The following CROCC2 variants were observed in gnomAD, a reference collection of about 807,000 sequenced individuals.
The protein encoded by CROCC2 is ciliary rootlet coiled-coil protein 2.
CROCC2 carries 163 observed loss-of-function variants against 177.6 expected under a neutral mutation model. That is an observed-to-expected ratio of 0.92 (90% CI 0.81 to 1.05). The LOEUF (loss-of-function observed/expected upper bound fraction) is 1.05, where lower values mean the gene tolerates loss of function less well. CROCC2 is among the 50% of genes least tolerant of loss of function. The probability of loss-of-function intolerance (pLI) is 0.00; values close to 1 mark genes in which losing one functional copy is unlikely to be tolerated. For synonymous variants in CROCC2, 904 were observed against 787.3 expected (o/e 1.15, Z -2.48); for missense variants, 1,929 against 1,797.8 (o/e 1.07, Z -1.32).
At chr2:240,911,948 A>G (rs1237984018) in intron 1 of CROCC2, among the ~76,000 whole-genome samples, 2 of 151,900 alleles carry the variant, frequency 1.3e-5, no homozygotes, top group Non-Finnish European at 2.9e-5. Flanking sequence ...GCTGCTGTGA[A>G]CCTCGGAGTA....
In CROCC2 at chr2:240,965,404, C is replaced by T. The variant is rs777598614; in HGVS notation, c.3489C>T (p.Asn1163=). 5.9e-5 allele frequency: 91 copies of T among 1,549,614 alleles called. No homozygotes were observed. The highest frequency in any genetic ancestry group is 7.8e-5 in the Non-Finnish European group (89 of 1,146,912). The change falls in exon 23 of 32, where the codon AAC becomes AAT. Residue 1163 remains asparagine (N), a synonymous_variant. Coordinates refer to ENST00000690015, the MANE Select transcript of CROCC2 (RefSeq NM_001351305.2). ...HRQVRTLKAE[N]QRRSGEAHEL... ...AGGTGAGGACACTGAAGGCCGAGAA[C>T]CAGAGGAGGAGTGGAGAGGCCCATG...
chr2:240,954,030 G>A (rs2059573592), intron 18 of CROCC2, among the ~76,000 whole-genome samples: 1 of 152,170 alleles, frequency 6.6e-6, no homozygotes, highest in Non-Finnish European at 1.5e-5. Flanking sequence ...AGACCTTATA[G>A]TCCAGTAAGG....
At chr2:240,946,854 C>A (rs2059527423) in intron 15 of CROCC2, among the ~76,000 whole-genome samples, 1 of 152,258 alleles carries the variant, frequency 6.6e-6, no homozygotes, top group South Asian at 2.1e-4. Flanking sequence ...CAGGCTTGGG[C>A]TGCACACCCA....
chr2:240,968,698 C>T (rs1195635774), intron 27 of CROCC2, among the ~76,000 whole-genome samples: 1 of 152,242 alleles, frequency 6.6e-6, no homozygotes, highest in Non-Finnish European at 1.5e-5. Flanking sequence ...GACCACTTTT[C>T]ATTCCATGTG....
rs1472075291 is a variant in CROCC2, at chr2:240,924,933, C to T, written c.489-791C>T. 6.1e-4 allele frequency among the ~76,000 whole-genome samples: 6 copies of T among 9,824 alleles called. 1 individual carries two copies. The highest frequency in any genetic ancestry group is 2.5e-3 in the African/African-American group (6 of 2,416). The allele number at this position is 9,824 out of a possible 152,430, so 6.4% of individuals were successfully genotyped here. A position where few individuals can be genotyped will look rare whatever the true frequency, so the allele number is the denominator to read the frequency against. ...CCCGGCCCCCACACTGACCCGGCCC[C>T]CCACACTGACCCAGCCCCCACACTA... On this transcript the variant is annotated intron_variant, in intron 4 of 31. Transcript: ENST00000690015.
chr2:240,977,995 A>G (rs1243302324), intron 27 of CROCC2, among the ~76,000 whole-genome samples: 40 of 20,436 alleles, frequency 2.0e-3, no homozygotes, highest in African/African-American at 3.1e-3. Flanking sequence ...TCCCTGCTCA[A>G]GCTCTGGGGT....
chr2:240,943,962 T>C (rs891284987), intron 14 of CROCC2, among the ~76,000 whole-genome samples: 10 of 152,160 alleles, frequency 6.6e-5, no homozygotes, highest in African/African-American at 1.2e-4. Context: ...TTAAACAGAT[T>C]ATTGGATTGT....
intron 4 of CROCC2, among the ~76,000 whole-genome samples, chr2:240,925,204 G>T (rs1187258591): frequency 6.6e-6 from 1 of 152,226 alleles, no homozygotes; most frequent in East Asian, 1.9e-4. Context: ...CCAAGAGGAG[G>T]CTTAGGCCTG....
At chr2:240,911,735 C>T (rs1430567337) in intron 1 of CROCC2, among the ~76,000 whole-genome samples, 1 of 151,926 alleles carries the variant, frequency 6.6e-6, no homozygotes. Context: ...CTAAGTGGAT[C>T]AGATGGTATT....
rs1344584050 is a variant in CROCC2, at chr2:240,972,542, CAG to C, written c.4401+4281_4401+4282del. 2.6e-5 allele frequency among the ~76,000 whole-genome samples: 4 copies of C among 152,002 alleles called. 1 individual carries two copies. Among genetic ancestry groups the C allele is most frequent in the African/African-American group, 9.7e-5 (4 of 41,382 alleles). ...CCCTCCAGCCCTCGCCCTTCTGAGTCAGGGTATGGGGACATGGGGGTCCAACT... is the reference window on the plus strand; with the variant it reads ...CCCTCCAGCCCTCGCCCTTCTGAGTCGGTATGGGGACATGGGGGTCCAACT... On this transcript the variant is annotated intron_variant, in intron 27 of 31. Transcript: ENST00000690015. This position sits in a 1 kb window ranked among gnomAD's most constrained non-coding sequence, Gnocchi z 7.1.
intron 14 of CROCC2, among the ~76,000 whole-genome samples, chr2:240,937,519 C>T (rs2059477875): frequency 6.6e-6 from 1 of 152,132 alleles, no homozygotes; most frequent in African/African-American, 2.4e-5. Flanking sequence ...AAAATTTTAA[C>T]TTTGGCAAAC....
At chr2:240,964,125 C>T (rs1465842225) in intron 21 of CROCC2, 2 of 531,636 alleles carry the variant, frequency 3.8e-6, no homozygotes, top group Admixed American at 3.2e-5. Flanking sequence ...TGTGGGGCAG[C>T]TGGGCAGGAT....
chr2:240,949,723 C>CCAG lies in CROCC2; in HGVS notation c.2652+22_2652+24dup. On this transcript the variant is annotated intron_variant, in intron 17 of 31. Transcript: ENST00000690015. The surrounding 1 kb of genome is among the most constrained non-coding windows in gnomAD (Gnocchi z 4.5). ...AGAAGGTCTGCTTCCCAGGAGCCCA[C>CCAG]CAGTAGCTTCCTAGAAGGCTACCAG... 5.9e-6 allele frequency: 9 copies of CCAG among 1,523,274 alleles called. No individual in the cohort carries two copies. Among genetic ancestry groups the CCAG allele is most frequent in the Non-Finnish European group, 8.0e-6 (9 of 1,129,906 alleles). 94.4% of individuals were successfully genotyped at this position (1,523,274 alleles called of 1,614,324 possible).
chr2:240,950,159 T>C (rs995883294), intron 17 of CROCC2, among the ~76,000 whole-genome samples, 175 bp from the exon 18 acceptor site: 3 of 152,094 alleles, frequency 2.0e-5, no homozygotes, highest in African/African-American at 7.2e-5. Flanking sequence ...AGAGAGGCCC[T>C]CCCTGCTCTG....
rs1379919199 is a variant in CROCC2 at position 240,988,860 on chromosome 2, A to C, written c.4673A>C (p.Gln1558Pro). The C allele has an allele frequency of 1.3e-6, 2 of 1,483,146 alleles. No homozygotes were observed. Among genetic ancestry groups the C allele is most frequent in the Admixed American group, 4.4e-5 (2 of 45,042 alleles). 91.9% of individuals were successfully genotyped at this position (1,483,146 alleles called of 1,614,324 possible). Residue 1558 changes from glutamine (Q) to proline (P), a missense_variant, in exon 29 of 32, where the codon CAG becomes CCG. By Grantham distance (76) the Gln-to-Pro change is moderately conservative. Transcript: ENST00000690015. ...GTGGACGGAGCCCTGAGGCAAAATC[A>C]GCAGCTGCAGGTCAACTGGGCCAGT... ...QEVDGALRQN[Q>P]QLQAQMTEME...
chr2:240,912,656 C>A (rs1245253404), intron 1 of CROCC2, among the ~76,000 whole-genome samples: 1 of 152,192 alleles, frequency 6.6e-6, no homozygotes, highest in Admixed American at 6.5e-5. Flanking sequence ...TTTTATGGAA[C>A]CTTCATTAAG....
rs535933444 is a variant in CROCC2, at chr2:240,975,321, C to A, written c.4401+7059C>A. On this transcript the variant is annotated intron_variant, in intron 27 of 31. Transcript: ENST00000690015. ...CCCTCTGTCTGGCCCCAGAGTCCCA[C>A]TGTGTGGAGTGAAGGGCTCCAATCC... 4.3e-4 allele frequency among the ~76,000 whole-genome samples: 65 copies of A among 152,318 alleles called. 1 individual carries two copies. In the South Asian group the frequency reaches 0.013, roughly 31 times the overall value.
chr2:240,920,462 G>A (rs1443207981), intron 3 of CROCC2, among the ~76,000 whole-genome samples: 1 of 152,188 alleles, frequency 6.6e-6, no homozygotes, highest in African/African-American at 2.4e-5. Flanking sequence ...GGGTGGCCTG[G>A]CCAGTCCTGA....
intron 28 of CROCC2, 94 bp from the exon 29 acceptor site, chr2:240,988,645 T>C (rs2059856162): frequency 2.4e-6 from 3 of 1,247,476 alleles, no homozygotes; most frequent in Non-Finnish European, 3.1e-6. Flanking sequence ...TTCAGAGTCC[T>C]TCCCAGAGGC....
Sources: allele counts gnomAD v4.1 joint callset (sites outside exome capture counted in the v4.1 genomes callset), GRCh38; gene constraint gnomAD v4.1.1; non-coding constraint Gnocchi (gnomAD v3.1); transcripts MANE v1.5; gene names NCBI Gene and HGNC (gene_info 2026-07-23, HGNC 2026-07-21).